The following FOXP1 variants were observed in gnomAD, a reference collection of about 807,000 sequenced individuals.
FOXP1 encodes forkhead box P1.
FOXP1 carries 15 observed loss-of-function variants against 98.2 expected under a neutral mutation model. The ratio of observed to expected loss-of-function variants is 0.15; its 90% CI spans 0.10 to 0.24. The LOEUF is 0.24. Among genes scored for constraint, FOXP1 ranks in the 10% least tolerant of loss-of-function variants. The pLI is 1.00. For synonymous variants in FOXP1, 371 were observed against 314.5 expected (o/e 1.18, Z -1.90); for missense variants, 633 against 848.5 (o/e 0.75, Z 3.15).
intron 11 of FOXP1, among the ~76,000 whole-genome samples, chr3:71,033,846 A>G (rs912425631): frequency 6.6e-6 from 1 of 152,164 alleles, no homozygotes; most frequent in East Asian, 1.9e-4. Context: ...AACAGGCAGC[A>G]TGTTTAGGGT....
chr3:71,468,784 G>A (rs1006221985), intron 3 of FOXP1, among the ~76,000 whole-genome samples: 2 of 152,154 alleles, frequency 1.3e-5, no homozygotes, highest in African/African-American at 4.8e-5. Context: ...AATCATGTGA[G>A]GCTTTTAAGA....
chr3:71,238,309 A>C (rs2066963737), intron 5 of FOXP1, among the ~76,000 whole-genome samples: 1 of 152,218 alleles, frequency 6.6e-6, no homozygotes, highest in African/African-American at 2.4e-5. Flanking sequence ...GTAGGGACAA[A>C]TTACAGTTAC....
At position 71,564,583 on chromosome 3, in the gene FOXP1, G is replaced by A. The variant is rs181150114; in HGVS notation, c.-298+16966C>T. ...TTGAGTCGCTGCCCGTAACTACCACGTTGCAGTGTGACTGACACACATGAC... is the reference window on the plus strand; with the variant it reads ...TTGAGTCGCTGCCCGTAACTACCACATTGCAGTGTGACTGACACACATGAC... On this transcript the variant is annotated intron_variant, in intron 2 of 20. Coordinates refer to ENST00000649528, the MANE Select transcript of FOXP1 (RefSeq NM_001349338.3). Among the ~76,000 whole-genome samples the A allele has an allele frequency of 4.6e-4, 70 of 152,304 alleles. 1 individual carries two copies. Among genetic ancestry groups the A allele is most frequent in the African/African-American group, 1.5e-3 (63 of 41,564 alleles).
chr3:71,123,328 C>T (rs766687271), intron 6 of FOXP1, among the ~76,000 whole-genome samples: 8 of 152,148 alleles, frequency 5.3e-5, no homozygotes, highest in Non-Finnish European at 1.2e-4. Flanking sequence ...ATTAACAAGC[C>T]CAGCTATCTC....
At chr3:71,425,101 T>C (rs2084028669) in intron 3 of FOXP1, among the ~76,000 whole-genome samples, 1 of 151,888 alleles carries the variant, frequency 6.6e-6, no homozygotes, top group Non-Finnish European at 1.5e-5. Flanking sequence ...TCCTGTTTTT[T>C]TTTGTTTCGT....
intron 5 of FOXP1, chr3:71,244,879 AG>A (rs2067595518): frequency 6.6e-6 from 1 of 152,080 alleles, no homozygotes; most frequent in African/African-American, 2.4e-5. Context: ...AAAAGGCTCC[AG>A]GAAACATAAC....
At chr3:70,991,354 A>G (rs1482976354) in intron 13 of FOXP1, among the ~76,000 whole-genome samples, 1 of 152,118 alleles carries the variant, frequency 6.6e-6, no homozygotes, top group Non-Finnish European at 1.5e-5. Context: ...ATGGCCTCAA[A>G]TTAGGTTTAA....
At chr3:71,198,887 G>A (rs1438298010) in intron 5 of FOXP1, among the ~76,000 whole-genome samples, 2 of 151,448 alleles carry the variant, frequency 1.3e-5, no homozygotes, top group Non-Finnish European at 2.9e-5. Flanking sequence ...TAAAGAAAGG[G>A]GTGTTTCACC....
chr3:71,443,988 G>A (rs1364039081), intron 3 of FOXP1, among the ~76,000 whole-genome samples: 1 of 152,228 alleles, frequency 6.6e-6, no homozygotes, highest in Non-Finnish European at 1.5e-5. Context: ...CTCCTTCAGA[G>A]GGGCTTCACC....
At chr3:71,017,170 G>C (rs1361684072) in intron 11 of FOXP1, among the ~76,000 whole-genome samples, 1 of 152,090 alleles carries the variant, frequency 6.6e-6, no homozygotes, top group Non-Finnish European at 1.5e-5. Context: ...GCAGTTAACA[G>C]GGTAAAACTG....
In FOXP1 at chr3:71,112,634, G is replaced by A. The variant is rs538443416; in HGVS notation, c.184C>T (p.Leu62Phe). 1.9e-6 allele frequency: 3 copies of A among 1,613,324 alleles called. No individual in the cohort carries two copies. Among genetic ancestry groups the A allele is most frequent in the African/African-American group, 1.3e-5 (1 of 75,012 alleles). ...AHAQQQQQQA[L>F]QVARQLLLQQ... ...AGAAGGAGCTGTCTTGCCACCTGAA[G>A]TGCCTGGAAGGAAAAACAAGAAAAT... Residue 62 changes from leucine to phenylalanine, a missense_variant, in exon 7 of 21, where the codon CTT becomes TTT. By Grantham distance (22) the Leu-to-Phe change is conservative. Coordinates refer to ENST00000649528, the MANE Select transcript of FOXP1 (RefSeq NM_001349338.3).
intron 11 of FOXP1, among the ~76,000 whole-genome samples, chr3:71,016,019 C>G (rs1426463113): frequency 6.6e-6 from 1 of 152,098 alleles, no homozygotes; most frequent in Non-Finnish European, 1.5e-5. Context: ...TTGAGATTTT[C>G]TTGCTACATC....
chr3:71,499,213 G>A (rs1209329277), intron 2 of FOXP1, among the ~76,000 whole-genome samples: 1 of 152,142 alleles, frequency 6.6e-6, no homozygotes, highest in Non-Finnish European at 1.5e-5. Context: ...ACCCTGCCAG[G>A]CAGCTCTCTC....
chr3:71,399,061 C>T (rs979979819), intron 3 of FOXP1, among the ~76,000 whole-genome samples: 6 of 152,080 alleles, frequency 3.9e-5, no homozygotes, highest in African/African-American at 1.2e-4. Context: ...TGTGATGCCT[C>T]GCTGATTATA....
rs544221921 is a variant in FOXP1, at chr3:71,241,103, G to A, written c.-11-42711C>T. On this transcript the variant is annotated intron_variant, in intron 5 of 20. Coordinates refer to ENST00000649528, the MANE Select transcript of FOXP1 (RefSeq NM_001349338.3). The stretch of plus-strand genomic sequence containing the variant: ...CGGGTGCCTGTAATCCCAGCTACTC[G>A]GGAGGCTGAGGCAGGAGACTAGCTT... 1.3e-3 allele frequency among the ~76,000 whole-genome samples: 196 copies of A among 151,558 alleles called. No individual in the cohort carries two copies. In the East Asian group the frequency reaches 0.015, roughly 12 times the overall value.
intron 2 of FOXP1, among the ~76,000 whole-genome samples, chr3:71,552,339 A>G (rs1157066634): frequency 2.0e-5 from 3 of 152,150 alleles, no homozygotes; most frequent in East Asian, 3.8e-4. Flanking sequence ...CTATGTACAT[A>G]TTAAAAATAA....
intron 3 of FOXP1, among the ~76,000 whole-genome samples, chr3:71,383,544 C>T (rs2080337281): frequency 6.6e-6 from 1 of 152,134 alleles, no homozygotes; most frequent in African/African-American, 2.4e-5. Flanking sequence ...GTGGCAGGTC[C>T]AGTCAAAATA....
chr3:71,071,442 C>T (rs2053216765), intron 7 of FOXP1, among the ~76,000 whole-genome samples: 1 of 152,166 alleles, frequency 6.6e-6, no homozygotes, highest in Non-Finnish European at 1.5e-5. Flanking sequence ...TACAGGAGTA[C>T]TACATATGAC....
intron 11 of FOXP1, among the ~76,000 whole-genome samples, chr3:71,022,340 A>C (rs890685451): frequency 6.6e-6 from 1 of 152,242 alleles, no homozygotes; most frequent in South Asian, 2.1e-4. Context: ...TCATGTTTTC[A>C]AAAGAATTTA....
Sources: gnomAD v4.1 joint callset for allele counts (sites outside exome capture counted in the v4.1 genomes callset) on GRCh38, gnomAD v4.1.1 for gene constraint, MANE v1.5 for transcripts, NCBI Gene and HGNC (gene_info 2026-07-23, HGNC 2026-07-21) for gene names.